The following C6 variants were observed in gnomAD, a reference collection of about 807,000 sequenced individuals.
The protein encoded by C6 is complement C6.
Under a neutral mutation model 112.9 loss-of-function variants are expected in C6, and 101 were observed. The observed-to-expected ratio is 0.89, with a 90% CI of 0.76 to 1.06. The LOEUF is 1.06. C6 is among the 50% of genes least tolerant of loss of function. C6 has a pLI of 0.00. For synonymous variants in C6, 431 were observed against 384.1 expected (o/e 1.12, Z -1.43); for missense variants, 1,202 against 1,104.6 (o/e 1.09, Z -1.25).
At chr5:41,211,506 A>C (rs1202656301) in intron 1 of C6, among the ~76,000 whole-genome samples, 1 of 152,052 alleles carries the variant, frequency 6.6e-6, no homozygotes, top group African/African-American at 2.4e-5. Context: ...TATTGGGACA[A>C]TAGTAGCCAG....
intron 1 of C6, among the ~76,000 whole-genome samples, chr5:41,225,749 C>A (rs977212937): frequency 2.0e-5 from 3 of 152,086 alleles, no homozygotes; most frequent in Non-Finnish European, 4.4e-5. Flanking sequence ...GGTACCAAAA[C>A]AGAGATATAG....
intron 1 of C6, among the ~76,000 whole-genome samples, chr5:41,232,937 T>A (rs1397866968): frequency 6.6e-6 from 1 of 152,092 alleles, no homozygotes; most frequent in East Asian, 1.9e-4. Flanking sequence ...AAACCCAGTA[T>A]CTATTACAGC....
At chr5:41,254,589 A>G (rs1173994983) in intron 1 of C6, among the ~76,000 whole-genome samples, 2 of 152,206 alleles carry the variant, frequency 1.3e-5, no homozygotes, top group Non-Finnish European at 2.9e-5. Flanking sequence ...GAGAACCTTG[A>G]TAACTCCCTT....
chr5:41,191,767 C>T (rs531787081), intron 5 of C6, among the ~76,000 whole-genome samples: 34 of 147,968 alleles, frequency 2.3e-4, no homozygotes, highest in African/African-American at 7.9e-4. Context: ...TGCAACTTTA[C>T]TGAATTCATT....
chr5:41,213,215 G>C (rs1752053947), intron 1 of C6, among the ~76,000 whole-genome samples, 161 bp downstream of exon 1: 1 of 152,068 alleles, frequency 6.6e-6, no homozygotes, highest in Non-Finnish European at 1.5e-5. Context: ...ATGACCTCTG[G>C]TTCTTTTCAG....
rs1379258092 is a variant in C6, at chr5:41,176,460, A to G, written c.1168+15T>C. The G allele has an allele frequency of 2.2e-5, 35 of 1,612,462 alleles. No homozygotes were observed. In the East Asian group the frequency reaches 7.4e-4, roughly 34 times the overall value. ...ATCATACCAGTTAAAAAGAGTGAGGACTGAAGAAAGTTACCTGAGTTCTTT... is the reference window on the plus strand; with the variant it reads ...ATCATACCAGTTAAAAAGAGTGAGGGCTGAAGAAAGTTACCTGAGTTCTTT... On this transcript the variant is annotated intron_variant, in intron 8 of 17. Coordinates refer to ENST00000337836, the MANE Select transcript of C6 (RefSeq NM_000065.5).
chr5:41,213,566 C>A, upstream of C6: 1 of 985,292 alleles, frequency 1.0e-6, no homozygotes, highest in South Asian at 4.7e-5. Context: ...AATAAATGTT[C>A]TCTGGAACTT....
intron 1 of C6, among the ~76,000 whole-genome samples, chr5:41,255,028 A>C (rs1370377385): frequency 6.6e-6 from 1 of 152,158 alleles, no homozygotes; most frequent in Non-Finnish European, 1.5e-5. Flanking sequence ...CCAGAGAACA[A>C]ATGCTTTGAG....
chr5:41,200,903 T>G (rs981953151), intron 3 of C6, among the ~76,000 whole-genome samples: 1 of 144,270 alleles, frequency 6.9e-6, no homozygotes, highest in African/African-American at 2.5e-5. Flanking sequence ...TTTTTTTTTT[T>G]TTTTTTTTTT....
chr5:41,221,679 A>G (rs1739173480), intron 1 of C6, among the ~76,000 whole-genome samples: 1 of 152,224 alleles, frequency 6.6e-6, no homozygotes, highest in Admixed American at 6.5e-5. Context: ...AGAATTAAAT[A>G]AAAGCAGTGT....
In C6 at chr5:41,222,565, G is replaced by A. The variant is rs144813848; in HGVS notation, c.-20-19315C>T. Among the ~76,000 whole-genome samples the A allele has an allele frequency of 1.6e-3, 238 of 152,100 alleles. 11 individuals carry two copies. In the East Asian group the frequency reaches 0.044, roughly 28 times the overall value. ...AGTTTCTAACAAGTTTCCTTGGGGG[G>A]AAATAATGGAAAAAAGTTTGAAGAG... is the stretch of plus-strand genomic sequence containing the variant. On this transcript the variant is annotated intron_variant, in intron 1 of 17. Transcript: ENST00000263413.
intron 1 of C6, among the ~76,000 whole-genome samples, chr5:41,212,739 T>C (rs1430935852): frequency 1.3e-5 from 2 of 152,184 alleles, no homozygotes; most frequent in Admixed American, 6.5e-5. Context: ...ATAGTTGCCA[T>C]CCCCTCTTGA....
At chr5:41,156,373 A>G (rs964591995) in intron 13 of C6, among the ~76,000 whole-genome samples, 3 of 152,146 alleles carry the variant, frequency 2.0e-5, no homozygotes, top group Admixed American at 1.3e-4. Flanking sequence ...CTCTATTTTT[A>G]TAGTGTTTAT....
intron 5 of C6, among the ~76,000 whole-genome samples, chr5:41,191,181 C>T (rs531010330): frequency 6.8e-6 from 1 of 146,012 alleles, no homozygotes; most frequent in African/African-American, 2.6e-5. Context: ...ATTCTCTTGC[C>T]TCAGCCTCCC....
At chr5:41,155,793 C>G (rs553668566) in intron 13 of C6, among the ~76,000 whole-genome samples, 2 of 151,440 alleles carry the variant, frequency 1.3e-5, no homozygotes, top group African/African-American at 4.8e-5. Context: ...TAGAAGAAAC[C>G]AAAAAACTAT....
At position 41,238,854 on chromosome 5, in the gene C6, T is replaced by G. The variant is rs539541290; in HGVS notation, c.-21+22340A>C. Among the ~76,000 whole-genome samples the G allele has an allele frequency of 2.0e-5, 3 of 152,276 alleles. No individual in the cohort carries two copies. In the South Asian group the frequency reaches 6.2e-4, roughly 32 times the overall value. On this transcript the variant is annotated intron_variant, in intron 1 of 17. Coordinates refer to the C6 transcript ENST00000263413. ...TATGGTGAATTAGAGTTTTTATTAC[T>G]TTTGTTTTTAATATAATTAATTTAA...
chr5:41,163,306 T>A (rs1747694064), intron 9 of C6, among the ~76,000 whole-genome samples: 1 of 145,912 alleles, frequency 6.9e-6, no homozygotes, highest in Non-Finnish European at 1.5e-5. Flanking sequence ...TATTTATCAA[T>A]GAACTTTTTT....
intron 1 of C6, among the ~76,000 whole-genome samples, chr5:41,252,115 G>C (rs2150439021): frequency 2.0e-5 from 3 of 152,296 alleles, no homozygotes; most frequent in Admixed American, 2.0e-4. Flanking sequence ...AAGGTGGTTT[G>C]CAAATATTCT....
At chr5:41,169,260 C>T (rs1384312397) in intron 9 of C6, among the ~76,000 whole-genome samples, 1 of 151,932 alleles carries the variant, frequency 6.6e-6, no homozygotes, top group Non-Finnish European at 1.5e-5. Flanking sequence ...ATCTGGCCAC[C>T]CTTCCCCAAC....
Sources: gnomAD v4.1 joint callset for allele counts (sites outside exome capture counted in the v4.1 genomes callset) on GRCh38, gnomAD v4.1.1 for gene constraint, MANE v1.5 for transcripts, NCBI Gene and HGNC (gene_info 2026-07-23, HGNC 2026-07-21) for gene names.